Variants in FAM53B observed in about 807,000 individuals in gnomAD.
FAM53B encodes the protein protein FAM53B.
Under a neutral mutation model 32.7 loss-of-function variants are expected in FAM53B, and 12 were observed. The ratio of observed to expected loss-of-function variants is 0.37; its 90% CI spans 0.24 to 0.59. The LOEUF (loss-of-function observed/expected upper bound fraction) is 0.59. Ranked by LOEUF, FAM53B falls within the 20% of genes least tolerant of loss-of-function variation. The probability of loss-of-function intolerance (pLI) is 0.72; values close to 1 mark genes in which losing one functional copy is unlikely to be tolerated. For synonymous variants in FAM53B, 234 were observed against 228.7 expected (o/e 1.02, Z -0.21); for missense variants, 477 against 577.7 (o/e 0.83, Z 1.79).
chr10:124,716,683 C>T (rs1950040381), intron 1 of FAM53B, among the ~76,000 whole-genome samples: 1 of 152,194 alleles, frequency 6.6e-6, no homozygotes, highest in South Asian at 2.1e-4. Flanking sequence ...CTCACGACCG[C>T]TCATGTCCTT....
chr10:124,658,641 G>A (rs115907754), intron 4 of FAM53B, among the ~76,000 whole-genome samples: 7,670 of 152,276 alleles, frequency 0.05, 641 homozygotes, highest in African/African-American at 0.17. Context: ...GGAGGAAGGT[G>A]CACACGGCAT....
In FAM53B at chr10:124,670,563, G is replaced by A. The variant is rs547361270; in HGVS notation, c.906+11044C>T. 1.9e-4 allele frequency among the ~76,000 whole-genome samples: 29 copies of A among 152,026 alleles called. No homozygotes were observed. The East Asian group carries it at 4.6e-3, about 24-fold the overall frequency. ...CTTCACTGTGCCCTGCGCTCACCAC[G>A]CCCACTCCGACCCCAGTCACCGCAG... On this transcript the variant is annotated intron_variant, in intron 4 of 4. Transcript: ENST00000337318.
At chr10:124,676,479 A>C (rs1427809965) in intron 4 of FAM53B, among the ~76,000 whole-genome samples, 1 of 152,182 alleles carries the variant, frequency 6.6e-6, no homozygotes, top group Non-Finnish European at 1.5e-5. Context: ...GAACTTGGCC[A>C]AGGAAAGGCA....
At chr10:124,638,893 C>T (rs970788962) in intron 4 of FAM53B, among the ~76,000 whole-genome samples, 1 of 152,216 alleles carries the variant, frequency 6.6e-6, no homozygotes, top group Admixed American at 6.5e-5. Context: ...CTGGCCCCAC[C>T]TGCAGCGCCA....
intron 1 of FAM53B, among the ~76,000 whole-genome samples, chr10:124,741,317 A>G (rs1564893209): frequency 6.6e-6 from 1 of 152,202 alleles, no homozygotes; most frequent in Non-Finnish European, 1.5e-5. Context: ...AGTTTTCCAT[A>G]CAATGCGCAA....
intron 4 of FAM53B, among the ~76,000 whole-genome samples, chr10:124,652,081 A>C (rs1034773894): frequency 6.6e-6 from 1 of 152,190 alleles, no homozygotes; most frequent in African/African-American, 2.4e-5. Context: ...CATGCTTTTG[A>C]GGCTGGAATT....
At chr10:124,720,644 G>A (rs1278155082) in intron 1 of FAM53B, among the ~76,000 whole-genome samples, 1 of 152,142 alleles carries the variant, frequency 6.6e-6, no homozygotes, top group Non-Finnish European at 1.5e-5. Context: ...CACCAGTCCT[G>A]ACAAAAGCCT....
Position 124,680,199 on chromosome 10 carries a change from A to T in FAM53B, c.906+1408T>A, listed in dbSNP as rs556518994. Among the ~76,000 whole-genome samples, 16 of 152,362 alleles carry T rather than the reference A, an allele frequency of 1.1e-4. No individual in the cohort carries two copies. In the South Asian group the frequency reaches 3.1e-3, roughly 30 times the overall value. ...GGCACACGCCTAGAGCCACAATGGAAGAAATGGAAACTAGCTGAGAAGAGG... is the reference window on the plus strand; with the variant it reads ...GGCACACGCCTAGAGCCACAATGGATGAAATGGAAACTAGCTGAGAAGAGG... On this transcript the variant is annotated intron_variant, in intron 4 of 4. Coordinates refer to ENST00000337318, the MANE Select transcript of FAM53B (RefSeq NM_014661.4).
intron 1 of FAM53B, among the ~76,000 whole-genome samples, chr10:124,722,182 T>C (rs1355872744): frequency 6.6e-6 from 1 of 152,112 alleles, no homozygotes; most frequent in Admixed American, 6.5e-5. Flanking sequence ...AGAAGAAAGA[T>C]ATTGAACACT....
chr10:124,622,492 G>A lies in FAM53B; in HGVS notation c.*750C>T, dbSNP rs549579629. On this transcript the variant is annotated 3_prime_UTR_variant, in exon 5 of 5. Coordinates refer to ENST00000337318, the MANE Select transcript of FAM53B (RefSeq NM_014661.4). ...GGGTCAGCCTCTCCATGCTGTAGGA[G>A]AGGCAAGCAAGTCCGTCTTTTCAGC... 7.9e-5 allele frequency: 12 copies of A among 152,366 alleles called. No individual in the cohort carries two copies. Among genetic ancestry groups the A allele is most frequent in the African/African-American group, 2.9e-4 (12 of 41,564 alleles). 9.4% of individuals were successfully genotyped at this position (152,366 alleles called of 1,614,324 possible). A position where few individuals can be genotyped will look rare whatever the true frequency, so the allele number is the denominator to read the frequency against.
chr10:124,679,383 T>C (rs1350287231), intron 4 of FAM53B, among the ~76,000 whole-genome samples: 1 of 152,096 alleles, frequency 6.6e-6, no homozygotes, highest in Non-Finnish European at 1.5e-5. Flanking sequence ...GCTCATCAGG[T>C]TCCCACGCAC....
chr10:124,727,698 T>A (rs934857112), intron 1 of FAM53B, among the ~76,000 whole-genome samples: 16 of 151,918 alleles, frequency 1.1e-4, no homozygotes, highest in Admixed American at 3.3e-4. Context: ...CTCAAATGCC[T>A]TCCAGGGCCA....
intron 4 of FAM53B, among the ~76,000 whole-genome samples, chr10:124,673,777 C>T (rs1410008130): frequency 3.3e-5 from 5 of 152,238 alleles, no homozygotes; most frequent in African/African-American, 9.6e-5. Flanking sequence ...ACCTAGGGAG[C>T]TTCTGGGACC....
chr10:124,738,976 C>A (rs1470587670), intron 1 of FAM53B, among the ~76,000 whole-genome samples: 1 of 151,674 alleles, frequency 6.6e-6, no homozygotes, highest in Non-Finnish European at 1.5e-5. Flanking sequence ...ACATCTCAGC[C>A]TCCCAAACTA....
chr10:124,652,754 G>C (rs1006108631), intron 4 of FAM53B, among the ~76,000 whole-genome samples: 5 of 152,166 alleles, frequency 3.3e-5, no homozygotes, highest in Non-Finnish European at 7.3e-5. Context: ...CTCCAGTTCG[G>C]GGTCCACTTC....
At chr10:124,641,451 CCAA>C (rs1403210371) in intron 4 of FAM53B, among the ~76,000 whole-genome samples, 1 of 152,220 alleles carries the variant, frequency 6.6e-6, no homozygotes, top group African/African-American at 2.4e-5. Context: ...TGTCCTGGCA[CCAA>C]CATCTGGTGC....
At chr10:124,692,174 C>G (rs1284108631) in intron 3 of FAM53B, among the ~76,000 whole-genome samples, 1 of 152,188 alleles carries the variant, frequency 6.6e-6, no homozygotes, top group African/African-American at 2.4e-5. Flanking sequence ...GCTGAGCTGG[C>G]ACCCTAATAA....
chr10:124,700,552 C>T (rs982343047), intron 2 of FAM53B, among the ~76,000 whole-genome samples: 3 of 152,152 alleles, frequency 2.0e-5, no homozygotes, highest in African/African-American at 7.2e-5. Flanking sequence ...AGGGCCTCGT[C>T]TCTGTGAGAC....
chr10:124,642,487 T>A (rs181659623), intron 4 of FAM53B, among the ~76,000 whole-genome samples: 1 of 152,308 alleles, frequency 6.6e-6, no homozygotes, highest in Admixed American at 6.5e-5. Flanking sequence ...ATGACTCCCA[T>A]CTGCAGAAGC....
Sources: allele counts gnomAD v4.1 joint callset (sites outside exome capture counted in the v4.1 genomes callset), GRCh38; gene constraint gnomAD v4.1.1; transcripts MANE v1.5; gene names NCBI Gene and HGNC (gene_info 2026-07-23, HGNC 2026-07-21).